PCSK6: variants seen among roughly 807,000 people sequenced by gnomAD.
PCSK6 encodes paired basic amino acid cleaving enzyme 4.
A neutral mutation model predicts 123.3 loss-of-function variants in PCSK6; 85 were observed. The ratio of observed to expected loss-of-function variants is 0.69; its 90% CI spans 0.58 to 0.83. The LOEUF (loss-of-function observed/expected upper bound fraction) is 0.83. Ranked by LOEUF, PCSK6 falls within the 40% of genes least tolerant of loss-of-function variation. PCSK6 has a pLI of 0.00. For synonymous variants in PCSK6, 508 were observed against 516.0 expected (o/e 0.98, Z 0.21); for missense variants, 1,191 against 1,282.3 (o/e 0.93, Z 1.09).
intron 13 of PCSK6, among the ~76,000 whole-genome samples, chr15:101,349,675 G>T (rs570052329): frequency 1.3e-5 from 2 of 152,270 alleles, no homozygotes; most frequent in East Asian, 3.9e-4. Context: ...CCAGGTGCTG[G>T]TAAGACGCTG....
chr15:101,367,353 A>G (rs2041430305), intron 12 of PCSK6, among the ~76,000 whole-genome samples: 1 of 152,176 alleles, frequency 6.6e-6, no homozygotes, highest in Non-Finnish European at 1.5e-5. Flanking sequence ...TTTTTTTAAC[A>G]TAGGCATCTT....
intron 18 of PCSK6, among the ~76,000 whole-genome samples, chr15:101,319,002 C>G (rs193225363): frequency 1.3e-5 from 2 of 152,370 alleles, no homozygotes; most frequent in Admixed American, 1.3e-4. Flanking sequence ...GCCCTCACTT[C>G]ACTCCAGCCA....
chr15:101,394,583 C>A (rs901007724), intron 7 of PCSK6, among the ~76,000 whole-genome samples: 2 of 152,168 alleles, frequency 1.3e-5, no homozygotes, highest in African/African-American at 4.8e-5. Context: ...TACTAAGGAC[C>A]GTCCTTCCCA....
intron 7 of PCSK6, among the ~76,000 whole-genome samples, chr15:101,396,751 G>A (rs1437642398): frequency 2.0e-5 from 3 of 152,118 alleles, no homozygotes; most frequent in Non-Finnish European, 2.9e-5. Flanking sequence ...CTGCCTCGGT[G>A]TTTTCTTGGG....
At chr15:101,456,314 G>T (rs1456846364) in intron 1 of PCSK6, among the ~76,000 whole-genome samples, 3 of 152,212 alleles carry the variant, frequency 2.0e-5, no homozygotes, top group African/African-American at 7.2e-5. Context: ...ACTCTGTGCA[G>T]TCACCGTCTG....
In PCSK6 at chr15:101,313,069, G is replaced by T. The variant is rs8025705; in HGVS notation, c.2699+307C>A. 8,634 of 1,301,328 alleles carry T rather than the reference G, an allele frequency of 6.6e-3. 463 individuals carry two copies. In the African/African-American group the frequency reaches 0.11, roughly 17 times the overall value. 80.6% of individuals were successfully genotyped at this position (1,301,328 alleles called of 1,614,324 possible). ...ATTATCGACAGTGCAAAGGATGCAT[G>T]CTGAGCGCGACATGGGCAGGGACGT... On this transcript the variant is annotated intron_variant, in intron 20 of 21. Transcript: ENST00000611716.
At chr15:101,342,907 A>AT (rs1037656769) in intron 13 of PCSK6, among the ~76,000 whole-genome samples, 3 of 152,174 alleles carry the variant, frequency 2.0e-5, no homozygotes. Flanking sequence ...GTCTCAAAAA[A>AT]AAAAAAAACC....
At chr15:101,337,714 G>A (rs183797875) in intron 13 of PCSK6, among the ~76,000 whole-genome samples, 2 of 152,172 alleles carry the variant, frequency 1.3e-5, no homozygotes, top group Non-Finnish European at 2.9e-5. Flanking sequence ...CATCACGGGG[G>A]CAGGGAACAT....
chr15:101,376,875 A>G (rs1394857931), intron 11 of PCSK6, among the ~76,000 whole-genome samples: 4 of 152,220 alleles, frequency 2.6e-5, no homozygotes, highest in African/African-American at 9.6e-5. Flanking sequence ...GCTCTGTATA[A>G]CAACAGCCCA....
intron 1 of PCSK6, among the ~76,000 whole-genome samples, chr15:101,459,095 T>G (rs1447595197): frequency 1.3e-5 from 2 of 152,102 alleles, no homozygotes; most frequent in Non-Finnish European, 1.5e-5. Context: ...ACCTCTCCTC[T>G]CCCAGCCTCA....
At chr15:101,414,996 G>C (rs755535529) in intron 6 of PCSK6, among the ~76,000 whole-genome samples, 1 of 152,168 alleles carries the variant, frequency 6.6e-6, no homozygotes, top group Non-Finnish European at 1.5e-5. Flanking sequence ...ATCAATCAAA[G>C]TACAGGTGTT....
At chr15:101,312,628 C>T (rs774767775) in intron 20 of PCSK6, among the ~76,000 whole-genome samples, 1 of 152,088 alleles carries the variant, frequency 6.6e-6, no homozygotes, top group Non-Finnish European at 1.5e-5. Flanking sequence ...GCCAGGAGTT[C>T]GAGACCAGCC....
chr15:101,344,048 C>A (rs867644567), intron 13 of PCSK6, among the ~76,000 whole-genome samples: 1 of 151,908 alleles, frequency 6.6e-6, no homozygotes, highest in African/African-American at 2.4e-5. Context: ...TGCACTCCAG[C>A]CTGTGCGACA....
In PCSK6 at chr15:101,389,452, G is replaced by A. The variant is rs924834127; in HGVS notation, c.1310+12C>T. 21 of 1,593,322 alleles carry A rather than the reference G, an allele frequency of 1.3e-5. No homozygotes were observed. Among genetic ancestry groups the A allele is most frequent in the Non-Finnish European group, 1.8e-5 (21 of 1,161,730 alleles). ...ATTTTTTTTTTTTAGAAAAAGGTAA[G>A]TGGGAACTTACTTTGCTTCTAGAGC... On this transcript the variant is annotated intron_variant, in intron 9 of 21. Coordinates refer to ENST00000611716, the MANE Select transcript of PCSK6 (RefSeq NM_002570.5).
intron 1 of PCSK6, among the ~76,000 whole-genome samples, chr15:101,472,853 G>T (rs1024231611): frequency 2.0e-5 from 3 of 152,184 alleles, no homozygotes; most frequent in Non-Finnish European, 2.9e-5. Context: ...TACATCCAGG[G>T]CTCTTTATGA....
At chr15:101,329,767 A>G (rs2040335596) in intron 15 of PCSK6, among the ~76,000 whole-genome samples, 1 of 152,162 alleles carries the variant, frequency 6.6e-6, no homozygotes, top group African/African-American at 2.4e-5. Context: ...TTGCTCAACC[A>G]TGGCTTCTTT....
At chr15:101,351,900 G>A (rs375716292) in intron 13 of PCSK6, among the ~76,000 whole-genome samples, 11 of 152,144 alleles carry the variant, frequency 7.2e-5, no homozygotes, top group Admixed American at 2.6e-4. Context: ...AGGACCTACC[G>A]CCTATTTTAT....
chr15:101,432,781 A>C (rs766844764), intron 2 of PCSK6, among the ~76,000 whole-genome samples: 27 of 152,262 alleles, frequency 1.8e-4, no homozygotes, highest in Non-Finnish European at 1.0e-4. Flanking sequence ...CACATGGGAA[A>C]GCAGTGAATG....
At chr15:101,449,876 G>A (rs1461149166) in intron 1 of PCSK6, among the ~76,000 whole-genome samples, 11 of 152,082 alleles carry the variant, frequency 7.2e-5, no homozygotes, top group South Asian at 2.1e-4. Flanking sequence ...AGCCTCTCCC[G>A]CCTAAGGGGG....
Sources: gnomAD v4.1 joint callset for allele counts (sites outside exome capture counted in the v4.1 genomes callset) on GRCh38, gnomAD v4.1.1 for gene constraint, MANE v1.5 for transcripts, NCBI Gene and HGNC (gene_info 2026-07-23, HGNC 2026-07-21) for gene names.